GPR158: variants seen among roughly 807,000 people sequenced by gnomAD.
GPR158 encodes the protein metabotropic glycine receptor.
A neutral mutation model predicts 78.2 loss-of-function variants in GPR158; 30 were observed. The observed-to-expected ratio is 0.38, with a 90% confidence interval of 0.29 to 0.52. GPR158 has a LOEUF of 0.52. Ranked by LOEUF, GPR158 falls within the 20% of genes least tolerant of loss-of-function variation. The pLI is 0.83. For synonymous variants in GPR158, 581 were observed against 591.1 expected, an observed-to-expected ratio of 0.98 and a Z score of 0.25; for missense variants, 1,463 against 1,523.5, an observed-to-expected ratio of 0.96 and a Z score of 0.66.
At chr10:25,279,069 A>T (rs988374255) in intron 2 of GPR158, among the ~76,000 whole-genome samples, 7 of 152,280 alleles carry the variant, frequency 4.6e-5, no homozygotes, top group African/African-American at 1.7e-4. Flanking sequence ...GATATAAAAA[A>T]AATATTGTAC....
chr10:25,447,459 A>G (rs1337734269), intron 4 of GPR158, among the ~76,000 whole-genome samples: 5 of 152,206 alleles, frequency 3.3e-5, no homozygotes. Flanking sequence ...CTTTCATGGC[A>G]TGTGGGTGGA....
chr10:25,578,080 T>G (rs954855545), intron 7 of GPR158, among the ~76,000 whole-genome samples: 1 of 152,240 alleles, frequency 6.6e-6, no homozygotes, highest in Non-Finnish European at 1.5e-5. Flanking sequence ...TTGAGAATCA[T>G]CTACATCTAT....
intron 5 of GPR158, among the ~76,000 whole-genome samples, chr10:25,486,631 A>G (rs560327718): frequency 6.6e-6 from 1 of 152,262 alleles, no homozygotes; most frequent in African/African-American, 2.4e-5. Flanking sequence ...TGATCCAGTC[A>G]GTCTAAGACA....
At chr10:25,375,948 A>C (rs1430622822) in intron 2 of GPR158, among the ~76,000 whole-genome samples, 1 of 151,664 alleles carries the variant, frequency 6.6e-6, no homozygotes. Context: ...TAGGAATTGC[A>C]CTAAATCTAT....
At chr10:25,260,163 GA>G (rs1262095838) in intron 2 of GPR158, among the ~76,000 whole-genome samples, 1 of 152,114 alleles carries the variant, frequency 6.6e-6, no homozygotes, top group African/African-American at 2.4e-5. Context: ...ATTTGCGATA[GA>G]TTTTTTTGTT....
intron 2 of GPR158, among the ~76,000 whole-genome samples, chr10:25,368,867 C>A (rs1485312945): frequency 6.9e-6 from 1 of 145,406 alleles, no homozygotes; most frequent in African/African-American, 2.6e-5. Flanking sequence ...TTGTAGTTCT[C>A]CTTGAAGAGG....
intron 1 of GPR158, among the ~76,000 whole-genome samples, chr10:25,211,020 T>C (rs1397671203): frequency 2.6e-5 from 4 of 151,938 alleles, no homozygotes; most frequent in African/African-American, 9.7e-5. Flanking sequence ...TAGTCCCAGC[T>C]ACTCGGGAGA....
At chr10:25,184,969 A>G (rs536633085) in intron 1 of GPR158, among the ~76,000 whole-genome samples, 61 of 152,350 alleles carry the variant, frequency 4.0e-4, no homozygotes, top group African/African-American at 1.4e-3. Context: ...GGGACCAGAT[A>G]GGCCTTTGCT....
chr10:25,484,989 C>T (rs1013956605), intron 5 of GPR158, among the ~76,000 whole-genome samples: 1 of 151,936 alleles, frequency 6.6e-6, no homozygotes, highest in Non-Finnish European at 1.5e-5. Flanking sequence ...TCAGACATCT[C>T]TATTAGCAGA....
intron 1 of GPR158, among the ~76,000 whole-genome samples, chr10:25,202,987 G>T (rs1333344682): frequency 6.6e-6 from 1 of 152,188 alleles, no homozygotes; most frequent in Non-Finnish European, 1.5e-5. Context: ...GTTTTGATCT[G>T]CATTTCTCTG....
intron 2 of GPR158, among the ~76,000 whole-genome samples, chr10:25,372,087 C>G (rs1478723079): frequency 3.1e-5 from 2 of 64,480 alleles, no homozygotes; most frequent in Non-Finnish European, 7.7e-5. Context: ...ATTTATGCAG[C>G]CAAAAAACAC....
chr10:25,542,791 T>A (rs1168568866), intron 5 of GPR158, among the ~76,000 whole-genome samples: 2 of 124,132 alleles, frequency 1.6e-5, no homozygotes, highest in African/African-American at 6.7e-5. Flanking sequence ...ACCATTGCAC[T>A]CCAGCCTGGC....
chr10:25,314,905 TACACACAC>T (rs34451547), intron 2 of GPR158, among the ~76,000 whole-genome samples: 16 of 137,386 alleles, frequency 1.2e-4, no homozygotes, highest in African/African-American at 2.3e-4. Flanking sequence ...AGTTTACACA[TACACACAC>T]ACACACACAC....
chr10:25,366,653 A>C (rs941610626), intron 2 of GPR158, among the ~76,000 whole-genome samples: 3 of 151,688 alleles, frequency 2.0e-5, no homozygotes, highest in African/African-American at 7.2e-5. Context: ...ATGTAGTACA[A>C]TGGATCTCCT....
intron 2 of GPR158, among the ~76,000 whole-genome samples, chr10:25,311,555 C>T (rs1430343675): frequency 6.6e-6 from 1 of 151,828 alleles, no homozygotes; most frequent in Non-Finnish European, 1.5e-5. Flanking sequence ...CTTTAATTTG[C>T]TTCATCACAG....
Position 25,176,998 on chromosome 10 carries a change from C to A in GPR158, c.902+676C>A, listed in dbSNP as rs1310644840. Among the ~76,000 whole-genome samples, 1 of 152,162 alleles carries A rather than the reference C, an allele frequency of 6.6e-6. No homozygotes were observed. Among genetic ancestry groups the A allele is most frequent in the Non-Finnish European group, 1.5e-5 (1 of 68,042 alleles). ...CTCTCCCCGCAATTGATCTTTCCTTCCTCGGTGGCCTTTTCCTCCTCTTCC... is the reference window on the plus strand; with the variant it reads ...CTCTCCCCGCAATTGATCTTTCCTTACTCGGTGGCCTTTTCCTCCTCTTCC... On this transcript the variant is annotated intron_variant, in intron 1 of 10. Transcript: ENST00000376351. The surrounding 1 kb of genome is among the most constrained non-coding windows in gnomAD (Gnocchi z 6.3).
intron 5 of GPR158, among the ~76,000 whole-genome samples, chr10:25,508,686 C>T (rs1333140610): frequency 2.0e-5 from 3 of 152,120 alleles, no homozygotes; most frequent in African/African-American, 7.2e-5. Context: ...TGGCATCTGG[C>T]AGGTCACCAG....
intron 5 of GPR158, among the ~76,000 whole-genome samples, chr10:25,521,866 G>T (rs1836280821): frequency 6.6e-6 from 1 of 152,184 alleles, no homozygotes; most frequent in South Asian, 2.1e-4. Context: ...GCTGCCAAAA[G>T]GTATTGAAGG....
intron 2 of GPR158, among the ~76,000 whole-genome samples, chr10:25,243,523 G>A (rs1853652497): frequency 6.6e-6 from 1 of 152,074 alleles, no homozygotes; most frequent in African/African-American, 2.4e-5. Flanking sequence ...CCTGTGATCT[G>A]TCATTCTGTA....
Sources: allele counts gnomAD v4.1 joint callset (sites outside exome capture counted in the v4.1 genomes callset), GRCh38; gene constraint gnomAD v4.1.1; non-coding constraint Gnocchi (gnomAD v3.1); transcripts MANE v1.5; gene names NCBI Gene and HGNC (gene_info 2026-07-23, HGNC 2026-07-21).